MCC: variants seen among roughly 807,000 people sequenced by gnomAD.
MCC encodes the protein MCC regulator of Wnt signaling pathway.
In MCC, 90 loss-of-function variants were observed where a neutral mutation model predicts 116.2. The ratio of observed to expected loss-of-function variants is 0.77; its 90% CI spans 0.65 to 0.92. MCC has a LOEUF of 0.92. Among genes scored for constraint, MCC ranks in the 40% least tolerant of loss-of-function variants. MCC has a pLI of 0.00. For missense variants in MCC, 1,516 were observed against 1,312.2 expected, an observed-to-expected ratio of 1.16 and a Z score of -2.40; for synonymous variants, 578 against 510.5, an observed-to-expected ratio of 1.13 and a Z score of -1.78.
chr5:113,045,823 A>G lies in MCC; in HGVS notation c.2656-2193T>C, dbSNP rs4705756. On this transcript the variant is annotated intron_variant, in intron 16 of 18. Coordinates refer to ENST00000408903, the MANE Select transcript of MCC (RefSeq NM_001085377.2). The stretch of plus-strand genomic sequence containing the variant: ...TCAAAAAAAAAAAAAAAAATTAAAT[A>G]AAGTGCTACTAGAACACAGCCATGG... Among the ~76,000 whole-genome samples the G allele has an allele frequency of 2.0e-5, 3 of 149,438 alleles. No homozygotes were observed. The East Asian group carries it at 6.0e-4, about 30-fold the overall frequency.
rs574285111 is a variant in MCC at position 113,047,303 on chromosome 5, A to C, written c.2655+1790T>G. ...GCCTGTCTACCACAGAGCTGCCTCT[A>C]GCACCCTGCCTTGGTTCTGGCACGC... On this transcript the variant is annotated intron_variant, in intron 16 of 18. Coordinates refer to ENST00000408903, the MANE Select transcript of MCC (RefSeq NM_001085377.2). Among the ~76,000 whole-genome samples, 18 of 152,370 alleles carry C rather than the reference A, an allele frequency of 1.2e-4. No individual in the cohort carries two copies. In the East Asian group the frequency reaches 1.7e-3, roughly 15 times the overall value.
At chr5:113,418,290 TAAAA>T (rs1561560981) in intron 1 of MCC, among the ~76,000 whole-genome samples, 1 of 149,178 alleles carries the variant, frequency 6.7e-6, no homozygotes, top group East Asian at 2.0e-4. Flanking sequence ...AAAATAAAAA[TAAAA>T]AAGAAAGAAA....
intron 3 of MCC, among the ~76,000 whole-genome samples, chr5:113,257,782 T>C (rs1217310805): frequency 6.6e-6 from 1 of 152,082 alleles, no homozygotes; most frequent in Non-Finnish European, 1.5e-5. Flanking sequence ...GAAAACGTCA[T>C]TAAAGAGGGA....
At chr5:113,265,817 A>AC (rs1159845444) in intron 3 of MCC, among the ~76,000 whole-genome samples, 1 of 152,054 alleles carries the variant, frequency 6.6e-6, no homozygotes, top group Admixed American at 6.6e-5. Flanking sequence ...GTAGAATCAT[A>AC]CCCCGTTTCC....
At chr5:113,352,150 T>C (rs996600724) in intron 2 of MCC, among the ~76,000 whole-genome samples, 2 of 152,152 alleles carry the variant, frequency 1.3e-5, no homozygotes, top group African/African-American at 4.8e-5. Context: ...TTCCCATTAC[T>C]CTCTTTTAAT....
chr5:113,318,548 G>A (rs1374064048), intron 3 of MCC, among the ~76,000 whole-genome samples: 1 of 152,196 alleles, frequency 6.6e-6, no homozygotes, highest in Non-Finnish European at 1.5e-5. Flanking sequence ...GTTGGAGCTG[G>A]AGGCCATTAC....
intron 3 of MCC, among the ~76,000 whole-genome samples, chr5:113,181,424 G>C (rs1761621514): frequency 6.6e-6 from 1 of 152,118 alleles, no homozygotes; most frequent in African/African-American, 2.4e-5. Context: ...AAATATTTAG[G>C]AAAATAGAAG....
At chr5:113,240,941 C>A (rs971283498) in intron 3 of MCC, among the ~76,000 whole-genome samples, 2 of 152,186 alleles carry the variant, frequency 1.3e-5, no homozygotes, top group East Asian at 3.8e-4. Context: ...GAAGAAGACA[C>A]CTTTGCCCCA....
intron 8 of MCC, among the ~76,000 whole-genome samples, chr5:113,099,016 G>A (rs1756226459): frequency 6.6e-6 from 1 of 152,040 alleles, no homozygotes. Context: ...CCTCCTGAGG[G>A]AAATAAAGCA....
intron 1 of MCC, among the ~76,000 whole-genome samples, chr5:113,437,696 C>T (rs182162084): frequency 1.9e-4 from 29 of 152,300 alleles, no homozygotes; most frequent in Non-Finnish European, 4.1e-4. Flanking sequence ...AAAATCTACT[C>T]GGCAGTTTCT....
intron 2 of MCC, among the ~76,000 whole-genome samples, chr5:113,354,480 G>T (rs1418928410): frequency 6.7e-6 from 1 of 148,960 alleles, no homozygotes; most frequent in East Asian, 1.9e-4. Flanking sequence ...TGTCGGACAG[G>T]CTGGAGTGCA....
At chr5:113,239,613 T>C (rs994962073) in intron 3 of MCC, among the ~76,000 whole-genome samples, 2 of 152,152 alleles carry the variant, frequency 1.3e-5, no homozygotes, top group African/African-American at 2.4e-5. Context: ...CGTAGTAATG[T>C]CCAGATGGGG....
At chr5:113,443,229 A>G (rs1044164345) in intron 1 of MCC, among the ~76,000 whole-genome samples, 7 of 151,940 alleles carry the variant, frequency 4.6e-5, no homozygotes. Context: ...TGTAAGTTGG[A>G]TTCCTAGGTA....
At chr5:113,040,515 C>A (rs11949775) in intron 17 of MCC, among the ~76,000 whole-genome samples, 4,101 of 152,186 alleles carry the variant, frequency 0.027, 197 homozygotes, top group African/African-American at 0.094. Context: ...TAAGATTCCC[C>A]CAGCTGACCT....
intron 1 of MCC, among the ~76,000 whole-genome samples, chr5:113,450,463 C>CA (rs1362229136): frequency 6.6e-6 from 1 of 152,136 alleles, no homozygotes; most frequent in Non-Finnish European, 1.5e-5. Context: ...GATGCCCCCC[C>CA]AAGCCTGGCA....
chr5:113,296,543 A>G (rs947037451), intron 3 of MCC, among the ~76,000 whole-genome samples: 6 of 152,148 alleles, frequency 3.9e-5, no homozygotes, highest in Non-Finnish European at 7.4e-5. Flanking sequence ...GTTCCAGGCC[A>G]CTGTGAGAGA....
At chr5:113,029,433 G>A (rs940219037) in intron 17 of MCC, among the ~76,000 whole-genome samples, 2 of 150,414 alleles carry the variant, frequency 1.3e-5, no homozygotes, top group African/African-American at 4.9e-5. Flanking sequence ...TTCTTTTTCA[G>A]GTGTCCTAAG....
intron 1 of MCC, among the ~76,000 whole-genome samples, chr5:113,426,604 C>T (rs978742104): frequency 1.3e-5 from 2 of 152,182 alleles, no homozygotes; most frequent in South Asian, 4.1e-4. Flanking sequence ...GTAGAATCAT[C>T]TTGTGACCCT....
chr5:113,235,264 C>T (rs1764087447), intron 3 of MCC, among the ~76,000 whole-genome samples: 1 of 152,206 alleles, frequency 6.6e-6, no homozygotes, highest in Admixed American at 6.5e-5. Context: ...GACTTCAATG[C>T]ACTTGAGAAA....
Sources: gnomAD v4.1 joint callset for allele counts (sites outside exome capture counted in the v4.1 genomes callset) on GRCh38, gnomAD v4.1.1 for gene constraint, MANE v1.5 for transcripts, NCBI Gene and HGNC (gene_info 2026-07-23, HGNC 2026-07-21) for gene names.